Variants in RDM1 observed in about 807,000 individuals in gnomAD.
RDM1 encodes RAD52 motif-containing protein 1.
A neutral mutation model predicts 27.7 loss-of-function variants in RDM1; 28 were observed. The observed-to-expected ratio is 1.01, with a 90% CI of 0.75 to 1.39. RDM1 has a LOEUF of 1.39. RDM1 is among the 40% of genes most tolerant of loss of function. The probability of loss-of-function intolerance (pLI) is 0.00; values close to 1 mark genes in which losing one functional copy is unlikely to be tolerated. For missense variants in RDM1, 277 were observed against 337.3 expected (o/e 0.82, Z 1.40); for synonymous variants, 124 against 127.5 (o/e 0.97, Z 0.19).
intron 2 of RDM1, 112 bp from the exon 3 acceptor site, chr17:35,925,749 C>T: frequency 8.2e-7 from 1 of 1,219,378 alleles, no homozygotes; most frequent in South Asian, 1.5e-5. Context: ...TTACTGTCTT[C>T]CCATTCAGTA....
chr17:35,925,119 C>A (rs555256335), intron 3 of RDM1, among the ~76,000 whole-genome samples: 3 of 151,826 alleles, frequency 2.0e-5, no homozygotes, highest in African/African-American at 7.3e-5. Flanking sequence ...GATGACACAG[C>A]GAGCCTCTGT....
chr17:35,930,506 C>T (rs1168182484), intron 1 of RDM1, 126 bp downstream of exon 1: 25 of 973,346 alleles, frequency 2.6e-5, no homozygotes, highest in Admixed American at 2.5e-4. Context: ...GTTGGGATCC[C>T]CTTTATAATT....
intron 2 of RDM1, among the ~76,000 whole-genome samples, chr17:35,926,606 G>A (rs1007981314): frequency 2.0e-5 from 3 of 151,982 alleles, no homozygotes; most frequent in Non-Finnish European, 4.4e-5. Context: ...GGGTTTCACC[G>A]TGTTAGCCAG....
In RDM1 at chr17:35,925,268, AG is replaced by A. The variant is rs1405888822; in HGVS notation, c.399+246del. 3.3e-5 allele frequency among the ~76,000 whole-genome samples: 5 copies of A among 152,358 alleles called. No individual in the cohort carries two copies. The East Asian group carries it at 7.7e-4, about 23-fold the overall frequency. ...AAGTTAGATTTGCAAATGAATTGCT[AG>A]ATAGAGACAACCATTTTTTATTATA... On this transcript the variant is annotated intron_variant, in intron 3 of 6. Coordinates refer to ENST00000620284, the MANE Select transcript of RDM1 (RefSeq NM_145654.4).
rs1271010667 is a variant in RDM1 at position 35,922,418 on chromosome 17, C to A, written c.667+159G>T. On this transcript the variant is annotated intron_variant, in intron 5 of 6. Coordinates refer to ENST00000620284, the MANE Select transcript of RDM1 (RefSeq NM_145654.4). ...GTCATTTTTTTTCACAAATGTCACA[C>A]AGAACAAATTTGAGCCTGTTGGTGT... 7.7e-6 allele frequency: 7 copies of A among 906,894 alleles called. No homozygotes were observed. In the East Asian group the frequency reaches 2.0e-4, roughly 25 times the overall value. 56.2% of individuals were successfully genotyped at this position (906,894 alleles called of 1,614,324 possible). A position where few individuals can be genotyped will look rare whatever the true frequency, so the allele number is the denominator to read the frequency against.
intron 6 of RDM1, 23 bp downstream of exon 6, chr17:35,920,164 C>G (rs1275964894): frequency 8.2e-7 from 1 of 1,223,858 alleles, no homozygotes; most frequent in African/African-American, 1.5e-5. Context: ...CTATGTTACC[C>G]CTGAGTTTTT....
At position 35,922,662 on chromosome 17, in the gene RDM1, G is replaced by A; in HGVS notation, c.582C>T (p.Phe194=). ...MDKVEEGPLS[F]LMKRKTAQKL... ...TCTGGGCTGTCTTCCTTTTCATAAG[G>A]AATGATAATGGTCCTAAATCCAACC... The change falls in exon 5 of 7, where the codon TTC becomes TTT. Residue 194 remains phenylalanine, a synonymous_variant. Transcript: ENST00000620284. 7 of 1,606,312 alleles carry A rather than the reference G, an allele frequency of 4.4e-6. No individual in the cohort carries two copies. The highest frequency in any genetic ancestry group is 5.1e-6 in the Non-Finnish European group (6 of 1,178,282).
chr17:35,922,492 A>C, intron 5 of RDM1, 85 bp downstream of exon 5: 1 of 1,536,374 alleles, frequency 6.5e-7, no homozygotes, highest in African/African-American at 1.4e-5. Flanking sequence ...TTAGATATCA[A>C]TATTTTTATT....
Position 35,922,319 on chromosome 17 carries a change from G to C in RDM1, c.667+258C>G, listed in dbSNP as rs2088971752. The C allele has an allele frequency of 8.5e-6, 4 of 472,958 alleles. No homozygotes were observed. In the South Asian group the frequency reaches 1.2e-4, roughly 14 times the overall value. The allele number at this position is 472,958 out of a possible 1,614,324, so 29.3% of individuals were successfully genotyped here. A position where few individuals can be genotyped will look rare whatever the true frequency, so the allele number is the denominator to read the frequency against. On this transcript the variant is annotated intron_variant, in intron 5 of 6. Transcript: ENST00000620284. ...GTATGATAGGTAAGCAATTAAAGAAGACCTGGCTTAAACATTTTCTGTGGG... is the reference window on the plus strand; with the variant it reads ...GTATGATAGGTAAGCAATTAAAGAACACCTGGCTTAAACATTTTCTGTGGG...
rs568303639 is a variant in RDM1 at position 35,918,262 on chromosome 17, T to C, written c.*80A>G. The stretch of plus-strand genomic sequence containing the variant: ...GTTCCAGGACTCCAGCAGCCTATAG[T>C]GGTGGGGCGGCGTGGGGTAGGGGCA... On this transcript the variant is annotated 3_prime_UTR_variant, in exon 7 of 7. Transcript: ENST00000620284. 480 of 1,210,616 alleles carry C rather than the reference T, an allele frequency of 4.0e-4. No homozygotes were observed. The highest frequency in any genetic ancestry group is 5.4e-4 in the Non-Finnish European group (449 of 825,436). 75.0% of individuals were successfully genotyped at this position (1,210,616 alleles called of 1,614,324 possible).
In RDM1 at chr17:35,918,112, G is replaced by C. The variant is rs569179793; in HGVS notation, c.*230C>G. 3 of 581,578 alleles carry C rather than the reference G, an allele frequency of 5.2e-6. No homozygotes were observed. The East Asian group carries it at 8.4e-5, about 16-fold the overall frequency. The allele number at this position is 581,578 out of a possible 1,614,324, so 36.0% of individuals were successfully genotyped here. A position where few individuals can be genotyped will look rare whatever the true frequency, so the allele number is the denominator to read the frequency against. ...AGGCAACCTTTATTAAGTTCCGTTCGAGATCCGCTCCTCGTCACCAGGGCG... is the reference window on the plus strand; with the variant it reads ...AGGCAACCTTTATTAAGTTCCGTTCCAGATCCGCTCCTCGTCACCAGGGCG... On this transcript the variant is annotated 3_prime_UTR_variant, in exon 7 of 7. Coordinates refer to ENST00000620284, the MANE Select transcript of RDM1 (RefSeq NM_145654.4).
At chr17:35,930,378 C>G in intron 1 of RDM1, 123 bp from the exon 2 acceptor site, 1 of 1,320,518 alleles carries the variant, frequency 7.6e-7, no homozygotes, top group Non-Finnish European at 1.1e-6. Flanking sequence ...CCCACTTAAT[C>G]AACAGGTTTT....
intron 5 of RDM1, among the ~76,000 whole-genome samples, chr17:35,920,615 GTGCC>G (rs1056855539): frequency 6.6e-6 from 1 of 151,712 alleles, no homozygotes; most frequent in African/African-American, 2.4e-5. Flanking sequence ...ACACACCACT[GTGCC>G]TGCCTAATTT....
Position 35,930,205 on chromosome 17 carries a change from C to A in RDM1, c.147G>T (p.Arg49=), listed in dbSNP as rs750107163. ...FSQFGLLYSV[R]VFPNAAVAHP... is the part of the protein sequence containing the mutation. ...GGGCCACTGCAGCATTTGGGAAGACCCGGACTGAATACAGAAGGCCAAACT... is the reference window on the plus strand; with the variant it reads ...GGGCCACTGCAGCATTTGGGAAGACACGGACTGAATACAGAAGGCCAAACT... The change falls in exon 2 of 7, where the codon CGG becomes CGT. Residue 49 remains arginine, a synonymous_variant. Transcript: ENST00000620284. 1 of 1,614,062 alleles carries A rather than the reference C, an allele frequency of 6.2e-7. No homozygotes were observed. Among genetic ancestry groups the A allele is most frequent in the South Asian group, 1.1e-5 (1 of 91,066 alleles).
chr17:35,930,343 G>C (rs1459754391), intron 1 of RDM1, 88 bp from the exon 2 acceptor site: 1 of 1,529,128 alleles, frequency 6.5e-7, no homozygotes. Context: ...ACCTCTCTTC[G>C]CGAAGGATGC....
chr17:35,918,399 C>A lies in RDM1; in HGVS notation c.798G>T (p.Gly266=). 3 of 1,614,150 alleles carry A rather than the reference C, an allele frequency of 1.9e-6. No individual in the cohort carries two copies. Among genetic ancestry groups the A allele is most frequent in the Non-Finnish European group, 2.5e-6 (3 of 1,180,026 alleles). The part of the protein sequence containing the change: ...PWKQYGQEEE[G]YLSDFSLEEE... The stretch of plus-strand genomic sequence containing the variant: ...CCTCCAAGCTGAAATCCGAGAGATA[C>A]CCTTCCTCCTCTTGGCCATACTGCT... Residue 266 remains glycine (G), a synonymous_variant, in exon 7 of 7, where the codon GGG becomes GGT. Transcript: ENST00000620284.
rs142456382 is a variant in RDM1, at chr17:35,926,303, TATTTC to T, written c.277-671_277-667del. ...TTCTTACATCACAAGTTTTCCTATATATTTCATTTTTTAAATGTAGTATATTATAT... is the reference window on the plus strand; with the variant it reads ...TTCTTACATCACAAGTTTTCCTATATATTTTTTAAATGTAGTATATTATAT... On this transcript the variant is annotated intron_variant, in intron 2 of 6. Transcript: ENST00000620284. 3.7e-3 allele frequency among the ~76,000 whole-genome samples: 570 copies of T among 152,340 alleles called. 5 individuals are homozygous for T. The highest frequency in any genetic ancestry group is 0.013 in the African/African-American group (540 of 41,568).
At position 35,920,214 on chromosome 17, in the gene RDM1, G is replaced by A. The variant is rs2526325; in HGVS notation, c.726C>T (p.Cys242=). The change falls in exon 6 of 7, where the codon TGC becomes TGT. Residue 242 remains cysteine, a synonymous_variant. Coordinates refer to ENST00000620284, the MANE Select transcript of RDM1 (RefSeq NM_145654.4). The stretch of plus-strand genomic sequence containing the variant: ...GAATTAAACCGTGTAGTTCTTCTTC[G>A]CATCTGACACCTACGATGTCTTCAC... ...RPSEDIVGVR[C]EEELHGLIQV... 7,738 of 1,597,328 alleles carry A rather than the reference G, an allele frequency of 4.8e-3. 300 individuals are homozygous for A. In the African/African-American group the frequency reaches 0.091, roughly 19 times the overall value.
rs1413680620 is a variant in RDM1, at chr17:35,925,495, A to G, written c.399+20T>C. On this transcript the variant is annotated intron_variant, in intron 3 of 6. Transcript: ENST00000620284. ...TTGAAAGGAGAGTGTGGTAAGTGAA[A>G]AAAAATCTACAAGGTTTACCTTGAT... is the stretch of plus-strand genomic sequence containing the variant. 6.2e-7 allele frequency: 1 copy of G among 1,611,822 alleles called. No individual in the cohort carries two copies. The highest frequency in any genetic ancestry group is 2.2e-5 in the East Asian group (1 of 44,864).
Sources: allele counts gnomAD v4.1 joint callset (sites outside exome capture counted in the v4.1 genomes callset), GRCh38; gene constraint gnomAD v4.1.1; transcripts MANE v1.5; gene names NCBI Gene and HGNC (gene_info 2026-07-23, HGNC 2026-07-21).